IL21R: variants seen among roughly 807,000 people sequenced by gnomAD.
The protein encoded by IL21R is interleukin-21 receptor.
IL21R carries 14 observed loss-of-function variants against 41.3 expected under a neutral mutation model. The observed-to-expected ratio is 0.34, with a 90% CI of 0.22 to 0.53. The LOEUF is 0.53. IL21R is among the 20% of genes least tolerant of loss of function. The pLI, the probability that IL21R is intolerant of heterozygous loss-of-function variation, is 0.94. For synonymous variants in IL21R, 286 were observed against 287.6 expected, an observed-to-expected ratio of 0.99 and a Z score of 0.05; for missense variants, 588 against 681.6, an observed-to-expected ratio of 0.86 and a Z score of 1.53.
chr16:27,451,118 C>T lies in IL21R; in HGVS notation c.*1835C>T, dbSNP rs938444520. 4 of 232,752 alleles carry T rather than the reference C, an allele frequency of 1.7e-5. No individual in the cohort carries two copies. The highest frequency in any genetic ancestry group is 1.8e-4 in the South Asian group (1 of 5,522). 14.4% of individuals were successfully genotyped at this position (232,752 alleles called of 1,614,324 possible). ...AAACACAGCTTCTGCACGGAGCAGG[C>T]GCAGCCCTCAACACCCCGTGCACCT... On this transcript the variant is annotated 3_prime_UTR_variant, in exon 9 of 9. Coordinates refer to ENST00000337929, the MANE Select transcript of IL21R (RefSeq NM_181078.3).
chr16:27,437,665 C>T lies in IL21R; in HGVS notation c.330C>T (p.Gly110=). ...CTGGCAACTACTCCCAGGAGTGTGG[C>T]AGCTTTCTCCTGGCTGAGAGCAGTG... ...DQSGNYSQEC[G]SFLLAESIKP... is the part of the protein sequence containing the mutation. The change falls in exon 4 of 9, where the codon GGC becomes GGT. Residue 110 remains glycine (G), a synonymous_variant. Transcript: ENST00000337929. The T allele has an allele frequency of 1.9e-6, 3 of 1,614,096 alleles. No individual in the cohort carries two copies. The highest frequency in any genetic ancestry group is 2.5e-6 in the Non-Finnish European group (3 of 1,179,952).
chr16:27,430,250 C>A (rs1021977257), intron 2 of IL21R, 130 bp downstream of exon 2: 5 of 730,034 alleles, frequency 6.8e-6, no homozygotes, highest in Admixed American at 2.5e-5. Flanking sequence ...ACATCCATGC[C>A]CTTGAGGCTG....
Position 27,449,209 on chromosome 16 carries a change from C to A in IL21R, c.1543C>A (p.Pro515Thr), listed in dbSNP as rs762518345. The change falls in exon 9 of 9, where the codon CCC becomes ACC. Residue 515 changes from proline to threonine, a missense_variant. Physicochemically the swap from Pro to Thr is conservative, Grantham distance 38. Transcript: ENST00000337929. Reference protein sequence around the residue: ...CDFTSPGDEGPPRSYLRQWVV... With the variant: ...CDFTSPGDEGTPRSYLRQWVV... ...CTTCACCAGCCCCGGGGACGAAGGA[C>A]CCCCCCGGAGCTACCTCCGCCAGTG... 36 of 1,612,170 alleles carry A rather than the reference C, an allele frequency of 2.2e-5. No homozygotes were observed. Among genetic ancestry groups the A allele is most frequent in the Non-Finnish European group, 2.9e-5 (34 of 1,179,700 alleles).
intron 8 of IL21R, 193 bp from the exon 9 acceptor site, chr16:27,448,341 G>A (rs1431325708): frequency 3.4e-6 from 2 of 594,348 alleles, no homozygotes; most frequent in Non-Finnish European, 5.7e-6. Context: ...TGTAGTCCCA[G>A]CTACTTGGGA....
At chr16:27,446,135 T>C in intron 8 of IL21R, 47 bp downstream of exon 8, 1 of 1,514,776 alleles carries the variant, frequency 6.6e-7, no homozygotes, top group Non-Finnish European at 9.1e-7. Flanking sequence ...CCTCCTCCTC[T>C]TCAGGAGCCC....
chr16:27,429,999 G>T (rs950823296), intron 1 of IL21R, 57 bp from the exon 2 acceptor site: 1 of 1,445,578 alleles, frequency 6.9e-7, no homozygotes, highest in Admixed American at 1.8e-5. Context: ...GGATGAGGGG[G>T]AGGCCGGGGG....
At chr16:27,403,213 G>T (rs1335408062) in intron 1 of IL21R, 1 of 1,339,240 alleles carries the variant, frequency 7.5e-7, no homozygotes, top group South Asian at 1.2e-5. Flanking sequence ...CGGGGAACGG[G>T]TCGGATGGTA....
At chr16:27,408,870 C>A (rs956922971) in intron 1 of IL21R, among the ~76,000 whole-genome samples, 1 of 152,168 alleles carries the variant, frequency 6.6e-6, no homozygotes, top group African/African-American at 2.4e-5. Context: ...ATTCCTCAAT[C>A]GTGTGACAGA....
chr16:27,418,918 T>TTAGG (rs2086951922), intron 1 of IL21R, among the ~76,000 whole-genome samples: 3 of 149,426 alleles, frequency 2.0e-5, no homozygotes, highest in African/African-American at 7.4e-5. Flanking sequence ...TTTTTTTTTG[T>TTAGG]TAAAACCTAA....
chr16:27,408,460 T>C (rs1442987127), intron 1 of IL21R, among the ~76,000 whole-genome samples: 4 of 152,138 alleles, frequency 2.6e-5, no homozygotes, highest in African/African-American at 7.2e-5. Context: ...GTTTTTCTTT[T>C]GTGGATAACA....
At chr16:27,412,399 C>T (rs957533554) in intron 1 of IL21R, among the ~76,000 whole-genome samples, 1 of 150,706 alleles carries the variant, frequency 6.6e-6, no homozygotes, top group Non-Finnish European at 1.5e-5. Flanking sequence ...CCTTCTCCTT[C>T]TCCTTCTCCT....
At chr16:27,436,722 G>A (rs969004649) in intron 3 of IL21R, among the ~76,000 whole-genome samples, 3 of 152,156 alleles carry the variant, frequency 2.0e-5, no homozygotes, top group African/African-American at 7.2e-5. Context: ...CAGAGGAGGA[G>A]ATGAGGTTCA....
chr16:27,409,571 A>G (rs2086796687), intron 1 of IL21R, among the ~76,000 whole-genome samples: 1 of 151,326 alleles, frequency 6.6e-6, no homozygotes, highest in South Asian at 2.1e-4. Context: ...GTCAAGGTTT[A>G]CTTTTTCCAT....
chr16:27,419,415 G>A (rs926156759), intron 1 of IL21R, among the ~76,000 whole-genome samples: 10 of 152,208 alleles, frequency 6.6e-5, no homozygotes, highest in Admixed American at 4.6e-4. Flanking sequence ...CCTGCCTGAG[G>A]CTGTTTTACA....
intron 1 of IL21R, among the ~76,000 whole-genome samples, chr16:27,412,284 A>T (rs1300201729): frequency 6.6e-6 from 1 of 151,848 alleles, no homozygotes; most frequent in Non-Finnish European, 1.5e-5. Context: ...ATTCTTTTCC[A>T]TTGGTCTGTA....
chr16:27,405,392 A>T (rs1227610606), intron 1 of IL21R, among the ~76,000 whole-genome samples: 1 of 152,212 alleles, frequency 6.6e-6, no homozygotes, highest in Non-Finnish European at 1.5e-5. Flanking sequence ...TACAGAAAAA[A>T]AATAATAAAT....
At chr16:27,414,165 A>AGTGTGTGTGTGTGTGTGTGTGT (rs3917005) in intron 1 of IL21R, among the ~76,000 whole-genome samples, 3,557 of 144,212 alleles carry the variant, frequency 0.025, 81 homozygotes, top group East Asian at 0.088. Flanking sequence ...AGCTATGTAT[A>AGTGTGTGTGTGTGTGTGTGTGT]GTGTGTGTGT....
intron 1 of IL21R, among the ~76,000 whole-genome samples, chr16:27,409,657 A>C (rs2086797996): frequency 6.6e-6 from 1 of 152,234 alleles, no homozygotes; most frequent in Non-Finnish European, 1.5e-5. Context: ...TGACTTACTG[A>C]AAATCAAGTG....
intron 1 of IL21R, among the ~76,000 whole-genome samples, chr16:27,429,359 TCTCTTTTTCC>T (rs1337648386): frequency 6.6e-6 from 1 of 152,202 alleles, no homozygotes; most frequent in African/African-American, 2.4e-5. Flanking sequence ...TCTCCCTTCC[TCTCTTTTTCC>T]CTCCCTCTTT....
Sources: allele counts gnomAD v4.1 joint callset (sites outside exome capture counted in the v4.1 genomes callset), GRCh38; gene constraint gnomAD v4.1.1; transcripts MANE v1.5; gene names NCBI Gene and HGNC (gene_info 2026-07-23, HGNC 2026-07-21).